Variants in ADGRB3 observed in about 807,000 individuals in gnomAD.
The protein encoded by ADGRB3 is brain-specific angiogenesis inhibitor 3.
A neutral mutation model predicts 193.4 loss-of-function variants in ADGRB3; 37 were observed. That is an observed-to-expected ratio of 0.19 (90% CI 0.15 to 0.25). The LOEUF (loss-of-function observed/expected upper bound fraction) is 0.25. Ranked by LOEUF, ADGRB3 falls within the 10% of genes least tolerant of loss-of-function variation. The pLI is 1.00. For synonymous variants in ADGRB3, 690 were observed against 644.2 expected (o/e 1.07, Z -1.08); for missense variants, 1,637 against 1,852.9 (o/e 0.88, Z 2.14).
At chr6:69,036,870 C>T (rs1770887307) in intron 13 of ADGRB3, among the ~76,000 whole-genome samples, 2 of 152,012 alleles carry the variant, frequency 1.3e-5, no homozygotes, top group South Asian at 4.1e-4. Flanking sequence ...TTTCTAGGAG[C>T]GCTGGCCAGC....
chr6:69,097,161 G>A (rs1005516751), intron 17 of ADGRB3, among the ~76,000 whole-genome samples: 2 of 152,286 alleles, frequency 1.3e-5, no homozygotes, highest in African/African-American at 4.8e-5. Context: ...AAGAAAGGTC[G>A]TGTTGATGCC....
intron 3 of ADGRB3, among the ~76,000 whole-genome samples, chr6:68,742,248 T>C (rs1337988762): frequency 1.3e-5 from 2 of 152,180 alleles, no homozygotes; most frequent in Non-Finnish European, 2.9e-5. Context: ...AAATTCAGCA[T>C]ATATTGTAAT....
chr6:69,235,663 A>T (rs1052049162), intron 19 of ADGRB3, among the ~76,000 whole-genome samples: 3 of 152,102 alleles, frequency 2.0e-5, no homozygotes, highest in Non-Finnish European at 4.4e-5. Context: ...TGTGTCCAAG[A>T]AGTCAGACTT....
intron 20 of ADGRB3, among the ~76,000 whole-genome samples, chr6:69,297,166 A>G (rs552464101): frequency 2.4e-4 from 37 of 152,190 alleles, no homozygotes; most frequent in Admixed American, 2.4e-3. Context: ...TGCAGTGATA[A>G]TGGAAGTCAT....
intron 29 of ADGRB3, among the ~76,000 whole-genome samples, chr6:69,365,449 G>T (rs180821204): frequency 6.6e-6 from 1 of 152,072 alleles, no homozygotes; most frequent in East Asian, 1.9e-4. Flanking sequence ...GAATCCCTGG[G>T]TTACTACATG....
intron 10 of ADGRB3, among the ~76,000 whole-genome samples, chr6:68,991,718 A>G (rs1769244292): frequency 6.6e-6 from 1 of 152,160 alleles, no homozygotes; most frequent in Admixed American, 6.5e-5. Context: ...TAGGGCACAC[A>G]GACCTTGGGA....
chr6:68,909,035 C>T (rs1404385619), intron 3 of ADGRB3, among the ~76,000 whole-genome samples: 1 of 152,076 alleles, frequency 6.6e-6, no homozygotes, highest in Non-Finnish European at 1.5e-5. Context: ...ATAAATGGTG[C>T]CCTTTTTTCC....
At chr6:68,891,488 T>A (rs1766075317) in intron 3 of ADGRB3, among the ~76,000 whole-genome samples, 1 of 152,176 alleles carries the variant, frequency 6.6e-6, no homozygotes, top group African/African-American at 2.4e-5. Context: ...AAGAATTAAC[T>A]AGGTAAATTT....
At position 68,980,082 on chromosome 6, in the gene ADGRB3, A is replaced by G. The variant is rs749281002; in HGVS notation, c.1734+4742A>G. On this transcript the variant is annotated intron_variant, in intron 10 of 31. Transcript: ENST00000370598. ...AGTGATGAAGATGGAGAAAGGCTAA[A>G]GATACTACTCTAATGGAAGCTCTTC... Among the ~76,000 whole-genome samples, 46 of 151,590 alleles carry G rather than the reference A, an allele frequency of 3.0e-4. 3 individuals are homozygous for G. Among genetic ancestry groups the G allele is most frequent in the Non-Finnish European group, 5.9e-5 (4 of 67,686 alleles).
At chr6:69,219,508 TAG>T (rs1171337784) in intron 17 of ADGRB3, among the ~76,000 whole-genome samples, 1 of 144,432 alleles carries the variant, frequency 6.9e-6, no homozygotes, top group Non-Finnish European at 1.5e-5. Flanking sequence ...TGTGTGTATA[TAG>T]GTATATATGT....
intron 17 of ADGRB3, among the ~76,000 whole-genome samples, chr6:69,171,802 T>A (rs904476362): frequency 4.6e-5 from 7 of 152,188 alleles, no homozygotes; most frequent in Non-Finnish European, 1.0e-4. Flanking sequence ...AGAATCTAAC[T>A]AACCATATAT....
At chr6:69,290,752 T>C (rs1156409569) in intron 20 of ADGRB3, among the ~76,000 whole-genome samples, 1 of 152,182 alleles carries the variant, frequency 6.6e-6, no homozygotes, top group Non-Finnish European at 1.5e-5. Context: ...CATATGTCTA[T>C]CATATATAGC....
At chr6:69,131,974 G>A (rs1339879744) in intron 17 of ADGRB3, among the ~76,000 whole-genome samples, 1 of 152,142 alleles carries the variant, frequency 6.6e-6, no homozygotes, top group Non-Finnish European at 1.5e-5. Context: ...TTTTATGGCT[G>A]CATAGTATTC....
In ADGRB3 at chr6:69,360,864, C is replaced by T. The variant is rs765274784; in HGVS notation, c.3596-5C>T. Reference sequence around the variant, plus strand: ...CTTTCTTCAACTTTACATTCCTACTCACAGTTCTTCATAAGGATATTGGTC... The same window carrying T: ...CTTTCTTCAACTTTACATTCCTACTTACAGTTCTTCATAAGGATATTGGTC... On this transcript the variant is annotated splice_region_variant and splice_polypyrimidine_tract_variant and intron_variant, in intron 28 of 31. Transcript: ENST00000370598. 2.6e-5 allele frequency: 41 copies of T among 1,579,900 alleles called. No homozygotes were observed. Among genetic ancestry groups the T allele is most frequent in the Non-Finnish European group, 3.3e-5 (39 of 1,164,318 alleles).
chr6:68,946,696 C>G (rs561865993), intron 6 of ADGRB3, among the ~76,000 whole-genome samples: 2 of 152,110 alleles, frequency 1.3e-5, no homozygotes, highest in African/African-American at 2.4e-5. Context: ...TCTCCCACTA[C>G]TCACTACTTT....
chr6:68,652,108 C>G (rs1768380217), intron 3 of ADGRB3, among the ~76,000 whole-genome samples: 1 of 152,076 alleles, frequency 6.6e-6, no homozygotes, highest in Admixed American at 6.6e-5. Flanking sequence ...ACTCCCACCC[C>G]TTATGCAAGT....
At chr6:68,716,002 C>A (rs1765483604) in intron 3 of ADGRB3, among the ~76,000 whole-genome samples, 1 of 151,418 alleles carries the variant, frequency 6.6e-6, no homozygotes, top group Admixed American at 6.6e-5. Context: ...CAAAAAAATG[C>A]CAAATATTTG....
chr6:68,649,257 T>C (rs1355838703), intron 3 of ADGRB3, among the ~76,000 whole-genome samples: 1 of 152,140 alleles, frequency 6.6e-6, no homozygotes, highest in African/African-American at 2.4e-5. Context: ...TCTTACCTGA[T>C]TAATGGAACC....
chr6:68,822,651 G>A (rs1174391728), intron 3 of ADGRB3, among the ~76,000 whole-genome samples: 1 of 151,842 alleles, frequency 6.6e-6, no homozygotes, highest in East Asian at 1.9e-4. Flanking sequence ...CATAGCAAAG[G>A]ACTATAGCTC....
Sources: allele counts gnomAD v4.1 joint callset (sites outside exome capture counted in the v4.1 genomes callset), GRCh38; gene constraint gnomAD v4.1.1; transcripts MANE v1.5; gene names NCBI Gene and HGNC (gene_info 2026-07-23, HGNC 2026-07-21).